The following WDR7 variants were observed in gnomAD, a reference collection of about 807,000 sequenced individuals.
WDR7 encodes the protein WD repeat-containing protein 7.
WDR7 carries 46 observed loss-of-function variants against 169.4 expected under a neutral mutation model. The ratio of observed to expected loss-of-function variants is 0.27; its 90% CI spans 0.21 to 0.35. The LOEUF (loss-of-function observed/expected upper bound fraction) is 0.35, where lower values mean the gene tolerates loss of function less well. WDR7 is among the 10% of genes least tolerant of loss of function. The pLI, the probability that WDR7 is intolerant of heterozygous loss-of-function variation, is 1.00. For missense variants in WDR7, 1,534 were observed against 1,859.3 expected (o/e 0.83, Z 3.22); for synonymous variants, 612 against 666.8 (o/e 0.92, Z 1.27).
chr18:56,958,756 G>A (rs1033529882), intron 25 of WDR7, among the ~76,000 whole-genome samples: 1 of 152,050 alleles, frequency 6.6e-6, no homozygotes, highest in East Asian at 1.9e-4. Context: ...TTTTTGGACA[G>A]TTTTTGTTTC....
At chr18:56,986,240 A>G (rs1324103863) in intron 26 of WDR7, among the ~76,000 whole-genome samples, 2 of 151,578 alleles carry the variant, frequency 1.3e-5, no homozygotes, top group Admixed American at 6.6e-5. Context: ...ATCTACTGTA[A>G]TACTGATAGC....
intron 26 of WDR7, among the ~76,000 whole-genome samples, chr18:57,020,311 C>T (rs564686124): frequency 6.6e-6 from 1 of 152,294 alleles, no homozygotes; most frequent in Admixed American, 6.5e-5. Flanking sequence ...TAGTCTTTAA[C>T]TCCTTCCAGA....
Position 56,792,449 on chromosome 18 carries a change from A to C in WDR7, c.3190+10793A>C, listed in dbSNP as rs962679334. Among the ~76,000 whole-genome samples the C allele has an allele frequency of 2.0e-5, 3 of 152,186 alleles. No individual in the cohort carries two copies. In the East Asian group the frequency reaches 5.8e-4, roughly 29 times the overall value. On this transcript the variant is annotated intron_variant, in intron 19 of 27. Coordinates refer to ENST00000254442, the MANE Select transcript of WDR7 (RefSeq NM_015285.3). The stretch of plus-strand genomic sequence containing the variant: ...CCCAGAGAGATCACATAGCTTCTGC[A>C]CTAATCTTAACTACATCATAGTTTC...
At chr18:56,993,832 T>C (rs144158307) in intron 26 of WDR7, among the ~76,000 whole-genome samples, 8 of 152,260 alleles carry the variant, frequency 5.3e-5, no homozygotes, top group African/African-American at 1.7e-4. Context: ...GATTACTGGA[T>C]ACATATTTGG....
chr18:56,715,067 T>A (rs2026162889), intron 12 of WDR7, among the ~76,000 whole-genome samples: 1 of 152,202 alleles, frequency 6.6e-6, no homozygotes, highest in Non-Finnish European at 1.5e-5. Flanking sequence ...TGCCTGTGTA[T>A]CTGTGGGGAG....
At chr18:56,822,419 A>G (rs1260514273) in intron 20 of WDR7, among the ~76,000 whole-genome samples, 1 of 152,236 alleles carries the variant, frequency 6.6e-6, no homozygotes, top group African/African-American at 2.4e-5. Context: ...TTGTGCATTT[A>G]CTTACTGAAG....
chr18:57,024,132 T>C (rs1179893644), intron 27 of WDR7, among the ~76,000 whole-genome samples: 1 of 152,176 alleles, frequency 6.6e-6, no homozygotes, highest in Non-Finnish European at 1.5e-5. Flanking sequence ...TTTCAGGGGT[T>C]TTTTGCTTTC....
At chr18:57,023,220 T>C (rs1026213099) in intron 27 of WDR7, among the ~76,000 whole-genome samples, 13 of 152,370 alleles carry the variant, frequency 8.5e-5, no homozygotes, top group African/African-American at 2.9e-4. Flanking sequence ...TTAGATCTAC[T>C]GCTGCTCTCC....
chr18:56,940,558 G>C (rs556178418), intron 25 of WDR7, among the ~76,000 whole-genome samples: 1 of 152,096 alleles, frequency 6.6e-6, no homozygotes, highest in South Asian at 2.1e-4. Context: ...CCGTGTGTTT[G>C]GTTTATGGTC....
At chr18:56,708,317 A>G (rs533113058) in intron 12 of WDR7, among the ~76,000 whole-genome samples, 7 of 152,226 alleles carry the variant, frequency 4.6e-5, no homozygotes, top group African/African-American at 1.7e-4. Flanking sequence ...TATGGGTATG[A>G]GCCATCATGC....
intron 25 of WDR7, among the ~76,000 whole-genome samples, chr18:56,943,982 G>GAT (rs2047066429): frequency 2.5e-5 from 2 of 78,758 alleles, no homozygotes; most frequent in Non-Finnish European, 4.3e-5. Flanking sequence ...TGTTTTGTGG[G>GAT]TTTTTTTTTT....
chr18:56,714,016 T>C (rs7239990), intron 12 of WDR7, among the ~76,000 whole-genome samples: 4,443 of 152,284 alleles, frequency 0.029, 213 homozygotes, highest in African/African-American at 0.1. Flanking sequence ...TCTTTTTTCC[T>C]TTTACACTTA....
At chr18:56,987,285 C>CA (rs74182165) in intron 26 of WDR7, among the ~76,000 whole-genome samples, 3,507 of 75,206 alleles carry the variant, frequency 0.047, 370 homozygotes, top group Non-Finnish European at 0.056. Flanking sequence ...TCATCTGTAC[C>CA]AAAAAAAAAA....
chr18:57,034,183 G>A (rs1407462568), downstream of WDR7: 1 of 151,646 alleles, frequency 6.6e-6, no homozygotes, highest in African/African-American at 2.4e-5. Context: ...AAGGTGCTAA[G>A]GATGGTGAGT....
In WDR7 at chr18:56,892,981, C is replaced by A. The variant is rs141268882; in HGVS notation, c.3526+12816C>A. Reference sequence around the variant, plus strand: ...AGTAAAAGCAAAATGAGAACTGTACCCTTATAGGAATTTAAGTAGTATGAA... The same window carrying A: ...AGTAAAAGCAAAATGAGAACTGTACACTTATAGGAATTTAAGTAGTATGAA... On this transcript the variant is annotated intron_variant, in intron 21 of 27. Coordinates refer to ENST00000254442, the MANE Select transcript of WDR7 (RefSeq NM_015285.3). 1.2e-3 allele frequency among the ~76,000 whole-genome samples: 179 copies of A among 151,804 alleles called. 1 individual carries two copies. Among genetic ancestry groups the A allele is most frequent in the African/African-American group, 4.1e-3 (171 of 41,442 alleles).
chr18:56,758,824 A>G, intron 15 of WDR7, 41 bp from the exon 16 acceptor site: 1 of 1,458,368 alleles, frequency 6.9e-7, no homozygotes, highest in Non-Finnish European at 9.4e-7. Flanking sequence ...GAAATATGAC[A>G]GTATCAAAAT....
intron 26 of WDR7, among the ~76,000 whole-genome samples, chr18:57,016,011 C>G (rs574907357): frequency 6.6e-6 from 1 of 152,160 alleles, no homozygotes; most frequent in Non-Finnish European, 1.5e-5. Context: ...TGCCCTCTGC[C>G]GGAGCACATT....
At chr18:56,697,681 A>G (rs1029001503) in intron 12 of WDR7, among the ~76,000 whole-genome samples, 8 of 152,186 alleles carry the variant, frequency 5.3e-5, no homozygotes, top group South Asian at 4.1e-4. Flanking sequence ...GTTATGTCCT[A>G]TGGTGAAACA....
At chr18:56,660,591 G>C (rs1332913030) in intron 1 of WDR7, among the ~76,000 whole-genome samples, 1 of 151,660 alleles carries the variant, frequency 6.6e-6, no homozygotes, top group East Asian at 1.9e-4. Flanking sequence ...AGATCATTGA[G>C]GGAGGGAGTG....
Sources: gnomAD v4.1 joint callset for allele counts (sites outside exome capture counted in the v4.1 genomes callset) on GRCh38, gnomAD v4.1.1 for gene constraint, MANE v1.5 for transcripts, NCBI Gene and HGNC (gene_info 2026-07-23, HGNC 2026-07-21) for gene names.